GDI2: variants seen among roughly 807,000 people sequenced by gnomAD.
GDI2 encodes rab GDP dissociation inhibitor beta.
In GDI2, 22 loss-of-function variants were observed where a neutral mutation model predicts 54.2. The ratio of observed to expected loss-of-function variants is 0.41; its 90% confidence interval spans 0.29 to 0.58. The LOEUF is 0.58. GDI2 is among the 20% of genes least tolerant of loss of function. The probability of loss-of-function intolerance (pLI) is 0.35; values close to 1 mark genes in which losing one functional copy is unlikely to be tolerated. For synonymous variants in GDI2, 177 were observed against 182.1 expected (o/e 0.97, Z 0.23); for missense variants, 422 against 546.0 (o/e 0.77, Z 2.26).
intron 1 of GDI2, among the ~76,000 whole-genome samples, chr10:5,801,631 A>C (rs1841271566): frequency 6.6e-6 from 1 of 152,112 alleles, no homozygotes; most frequent in Non-Finnish European, 1.5e-5. Context: ...AACCAAGATC[A>C]CACCACTGCA....
At chr10:5,790,285 T>C (rs1254640986) in intron 4 of GDI2, among the ~76,000 whole-genome samples, 1 of 152,168 alleles carries the variant, frequency 6.6e-6, no homozygotes, top group Non-Finnish European at 1.5e-5. Context: ...TTCTCTTCCT[T>C]ATCATCTTCT....
chr10:5,795,092 C>T lies in GDI2; in HGVS notation c.254-73G>A, dbSNP rs537713817. Reference sequence around the variant, plus strand: ...AAAGAACATTTACTAATACTAACAGCTTCTAAAATTTTTTCTAACGATGTT... The same window carrying T: ...AAAGAACATTTACTAATACTAACAGTTTCTAAAATTTTTTCTAACGATGTT... On this transcript the variant is annotated intron_variant, in intron 3 of 10. Transcript: ENST00000380191. 7.8e-5 allele frequency: 74 copies of T among 942,714 alleles called. No individual in the cohort carries two copies. The African/African-American group carries it at 1.2e-3, about 15-fold the overall frequency. 58.4% of individuals were successfully genotyped at this position (942,714 alleles called of 1,614,324 possible).
chr10:5,798,728 A>G (rs1439056094), intron 2 of GDI2, among the ~76,000 whole-genome samples: 1 of 152,146 alleles, frequency 6.6e-6, no homozygotes, highest in East Asian at 1.9e-4. Flanking sequence ...CTGTAACCGC[A>G]GCACTTTGGA....
chr10:5,793,833 G>T (rs1014586154), intron 4 of GDI2, among the ~76,000 whole-genome samples: 45 of 152,110 alleles, frequency 3.0e-4, no homozygotes, highest in African/African-American at 1.0e-3. Flanking sequence ...GAACTCTTTG[G>T]TGAGGCAACA....
intron 2 of GDI2, among the ~76,000 whole-genome samples, chr10:5,798,950 G>A (rs1841204825): frequency 6.6e-6 from 1 of 151,742 alleles, no homozygotes; most frequent in Admixed American, 6.6e-5. Context: ...CATCAGCTTG[G>A]ACAACAGAGC....
intron 2 of GDI2, among the ~76,000 whole-genome samples, chr10:5,800,213 T>C (rs1198901645): frequency 6.6e-6 from 1 of 152,156 alleles, no homozygotes; most frequent in East Asian, 1.9e-4. Flanking sequence ...TTTGTAGTCA[T>C]GTAACTTGGG....
At chr10:5,787,896 A>G (rs1265493273) in intron 4 of GDI2, among the ~76,000 whole-genome samples, 1 of 152,128 alleles carries the variant, frequency 6.6e-6, no homozygotes, top group Non-Finnish European at 1.5e-5. Flanking sequence ...AAAATCTATC[A>G]TGTTTCCTTC....
chr10:5,779,499 A>G (rs1020997948), intron 6 of GDI2, among the ~76,000 whole-genome samples: 7 of 146,140 alleles, frequency 4.8e-5, no homozygotes, highest in African/African-American at 9.9e-5. Flanking sequence ...CTCCGTCTCG[A>G]AAAAAAAAAA....
chr10:5,773,802 C>G (rs753698874), intron 7 of GDI2, 40 bp downstream of exon 7: 2 of 867,782 alleles, frequency 2.3e-6, no homozygotes, highest in Non-Finnish European at 3.8e-6. Flanking sequence ...ACTTTCTTCA[C>G]AAGAACATAG....
chr10:5,798,555 C>A (rs61832865), intron 2 of GDI2, among the ~76,000 whole-genome samples: 13,997 of 150,000 alleles, frequency 0.093, 769 homozygotes, highest in East Asian at 0.15. Flanking sequence ...TGCCACTGCA[C>A]TGCAGCCTGG....
chr10:5,779,627 T>G (rs1476391992), intron 6 of GDI2, among the ~76,000 whole-genome samples: 3 of 151,348 alleles, frequency 2.0e-5, no homozygotes, highest in Middle Eastern at 3.2e-3. Context: ...GTCAGTAAAC[T>G]TGAAGCCACA....
At chr10:5,793,740 A>G (rs188309393) in intron 4 of GDI2, among the ~76,000 whole-genome samples, 166 of 152,312 alleles carry the variant, frequency 1.1e-3, no homozygotes, top group African/African-American at 3.8e-3. Flanking sequence ...CCATACAAGG[A>G]CTAAAACATC....
intron 2 of GDI2, among the ~76,000 whole-genome samples, chr10:5,797,960 T>C (rs1414803336): frequency 6.6e-6 from 1 of 152,226 alleles, no homozygotes; most frequent in Admixed American, 6.5e-5. Flanking sequence ...TAATTAAAAT[T>C]AGTTCTAGTT....
chr10:5,793,009 T>A (rs1841053139), intron 4 of GDI2, among the ~76,000 whole-genome samples: 1 of 148,346 alleles, frequency 6.7e-6, no homozygotes, highest in South Asian at 2.2e-4. Flanking sequence ...CTAAAAAAAA[T>A]TTTGAGACAG....
At chr10:5,789,299 T>C (rs1639749625) in intron 4 of GDI2, among the ~76,000 whole-genome samples, 1 of 151,246 alleles carries the variant, frequency 6.6e-6, no homozygotes, top group Non-Finnish European at 1.5e-5. Context: ...GGGGTCTTAC[T>C]ATGTTGCCCA....
intron 4 of GDI2, among the ~76,000 whole-genome samples, chr10:5,794,224 TATATATATAA>T (rs1257036744): frequency 1.1e-4 from 11 of 101,834 alleles, no homozygotes; most frequent in African/African-American, 4.1e-4. Flanking sequence ...TATATATATA[TATATATATAA>T]AACTCACCAG....
chr10:5,793,390 T>C (rs1841060434), intron 4 of GDI2, among the ~76,000 whole-genome samples: 1 of 152,226 alleles, frequency 6.6e-6, no homozygotes, highest in South Asian at 2.1e-4. Flanking sequence ...AGATTTAAAA[T>C]AATTTCGAAC....
chr10:5,813,208 G>T lies in GDI2; in HGVS notation c.45+6C>A, dbSNP rs1442381260. On this transcript the variant is annotated splice_donor_region_variant and intron_variant, in intron 1 of 10. Transcript: ENST00000380191. ...TCAGCCCCGGCCCCTCAGCCCTGGC[G>T]CCCACCGTCAGGCCGGTGCCCAGCA... 3.2e-6 allele frequency: 5 copies of T among 1,569,456 alleles called. No individual in the cohort carries two copies. Among genetic ancestry groups the T allele is most frequent in the Non-Finnish European group, 2.6e-6 (3 of 1,157,796 alleles).
chr10:5,766,175 C>T lies in GDI2; in HGVS notation c.1192-23G>A, dbSNP rs773038345. On this transcript the variant is annotated intron_variant, in intron 10 of 10. Transcript: ENST00000380191. This position sits in a 1 kb window ranked among gnomAD's most constrained non-coding sequence, Gnocchi z 5.8. ...GATCTGAAAACAAAAATTACGAAGA[C>T]TTAAGACCATGGAGGGATGTCTTCC... 6.2e-7 allele frequency: 1 copy of T among 1,613,274 alleles called. No individual in the cohort carries two copies. Among genetic ancestry groups the T allele is most frequent in the Admixed American group, 1.7e-5 (1 of 60,012 alleles).
Sources: gnomAD v4.1 joint callset for allele counts (sites outside exome capture counted in the v4.1 genomes callset) on GRCh38, gnomAD v4.1.1 for gene constraint, Gnocchi (gnomAD v3.1) non-coding constraint, MANE v1.5 for transcripts, NCBI Gene and HGNC (gene_info 2026-07-23, HGNC 2026-07-21) for gene names.